The following IL1RAPL2 variants were observed in gnomAD, a reference collection of about 807,000 sequenced individuals.
IL1RAPL2 encodes the protein X-linked interleukin-1 receptor accessory protein-like 2.
IL1RAPL2 carries 3 observed loss-of-function variants against 44.1 expected under a neutral mutation model. The observed-to-expected ratio is 0.07, with a 90% CI of 0.03 to 0.18. The LOEUF (loss-of-function observed/expected upper bound fraction) is 0.18. Among genes scored for constraint, IL1RAPL2 ranks in the 10% least tolerant of loss-of-function variants. The pLI, the probability that IL1RAPL2 is intolerant of heterozygous loss-of-function variation, is 1.00. For synonymous variants in IL1RAPL2, 181 were observed against 178.8 expected (o/e 1.01, Z -0.10); for missense variants, 391 against 496.4 (o/e 0.79, Z 2.02).
intron 6 of IL1RAPL2, among the ~76,000 whole-genome samples, chrX:105,665,726 G>GTTTTTTTTTTTTTTTTT (rs745949698): frequency 2.7e-5 from 2 of 75,211 alleles, no homozygotes; most frequent in African/African-American, 5.2e-5. Context: ...TTTTATTTTT[G>GTTTTTTTTTTTTTTTTT]TTTTTTTGTT....
At chrX:104,847,964 G>C (rs1922102857) in intron 2 of IL1RAPL2, among the ~76,000 whole-genome samples, 1 of 110,493 alleles carries the variant, frequency 9.1e-6, no homozygotes, top group South Asian at 3.9e-4. Context: ...AATTGTGAAT[G>C]GGAGTTCACT....
At chrX:104,649,851 T>C (rs762767227) in intron 1 of IL1RAPL2, among the ~76,000 whole-genome samples, 1 of 111,964 alleles carries the variant, frequency 8.9e-6, no homozygotes, top group Admixed American at 9.5e-5. Flanking sequence ...ACCTGACATA[T>C]CTGGTACTTT....
intron 2 of IL1RAPL2, among the ~76,000 whole-genome samples, chrX:104,710,662 A>G (rs1266286072): frequency 9.0e-6 from 1 of 111,327 alleles, no homozygotes; most frequent in Non-Finnish European, 1.9e-5. Context: ...ATGTACATAT[A>G]CTCATTTGCT....
chrX:104,585,344 T>TATATA (rs1928523698), intron 1 of IL1RAPL2, among the ~76,000 whole-genome samples: 2 of 12,107 alleles, frequency 1.7e-4, no homozygotes, highest in African/African-American at 5.6e-4. Flanking sequence ...TATTATATAT[T>TATATA]ATATATATTA....
intron 2 of IL1RAPL2, among the ~76,000 whole-genome samples, chrX:104,875,938 T>A (rs1377021607): frequency 9.0e-6 from 1 of 110,915 alleles, no homozygotes; most frequent in East Asian, 2.8e-4. Context: ...TTTTTTTTTC[T>A]CTAGAGAGGC....
intron 6 of IL1RAPL2, among the ~76,000 whole-genome samples, chrX:105,612,058 T>C (rs2147827142): frequency 9.0e-6 from 1 of 111,629 alleles, no homozygotes; most frequent in Non-Finnish European, 1.9e-5. Context: ...TAGGTATAGT[T>C]ACCTTTATAA....
chrX:105,662,036 A>C (rs1419756199), intron 6 of IL1RAPL2, among the ~76,000 whole-genome samples: 1 of 112,444 alleles, frequency 8.9e-6, no homozygotes, highest in East Asian at 2.8e-4. Flanking sequence ...CCAGTTGTCT[A>C]ATTACACTGT....
intron 6 of IL1RAPL2, among the ~76,000 whole-genome samples, chrX:105,503,214 G>T (rs991671557): frequency 5.4e-5 from 6 of 110,886 alleles, no homozygotes; most frequent in Admixed American, 9.6e-5. Context: ...GAACATTCTG[G>T]ATCAATTACT....
At chrX:105,111,033 A>T (rs1004009514) in intron 2 of IL1RAPL2, among the ~76,000 whole-genome samples, 10 of 111,989 alleles carry the variant, frequency 8.9e-5, no homozygotes, top group Non-Finnish European at 1.3e-4. Context: ...TTTCTTTCCT[A>T]CAGGTTTTTT....
intron 6 of IL1RAPL2, among the ~76,000 whole-genome samples, chrX:105,649,843 C>T (rs921973125): frequency 6.3e-5 from 7 of 111,442 alleles, no homozygotes; most frequent in East Asian, 2.8e-4. Flanking sequence ...GGAAATATAC[C>T]GCACTTAGGG....
At chrX:104,976,519 A>G (rs1320186379) in intron 2 of IL1RAPL2, among the ~76,000 whole-genome samples, 2 of 111,949 alleles carry the variant, frequency 1.8e-5, no homozygotes, top group Non-Finnish European at 3.8e-5. Flanking sequence ...ACAGAAAATG[A>G]TAACTTTTAG....
At chrX:105,575,281 A>G (rs1163986779) in intron 6 of IL1RAPL2, among the ~76,000 whole-genome samples, 5 of 110,998 alleles carry the variant, frequency 4.5e-5, no homozygotes, top group Non-Finnish European at 9.4e-5. Flanking sequence ...TCACCCTGGT[A>G]TTAAGCCTAG....
chrX:105,614,200 G>A (rs2037356794), intron 6 of IL1RAPL2, among the ~76,000 whole-genome samples: 2 of 111,646 alleles, frequency 1.8e-5, no homozygotes, highest in African/African-American at 6.5e-5. Flanking sequence ...AAAAAAGAAG[G>A]ATATTCCATG....
Position 104,626,523 on chromosome X carries a change from G to A in IL1RAPL2, c.-19-32372G>A, listed in dbSNP as rs753567866. 1.7e-4 allele frequency among the ~76,000 whole-genome samples: 19 copies of A among 110,770 alleles called. No individual in the cohort carries two copies. The South Asian group carries it at 7.0e-3, about 41-fold the overall frequency. ...TTATAAAAATAATTCTGCATTGATG[G>A]TCACCAAGTAGTAATACATGCCCAG... On this transcript the variant is annotated intron_variant, in intron 1 of 10. Transcript: ENST00000372582.
rs1195202025 is a variant in IL1RAPL2, at chrX:105,079,323, A to G, written c.83-116152A>G. On this transcript the variant is annotated intron_variant, in intron 2 of 10. Transcript: ENST00000372582. ...ACCTAGCAATCCTATTACTGGGAAT[A>G]TACCCAAAGTATTATAAATCATTCT... is the stretch of plus-strand genomic sequence containing the variant. 3.6e-5 allele frequency among the ~76,000 whole-genome samples: 4 copies of G among 110,356 alleles called. No homozygotes were observed. In the East Asian group the frequency reaches 1.2e-3, roughly 33 times the overall value.
intron 7 of IL1RAPL2, among the ~76,000 whole-genome samples, chrX:105,723,530 G>A (rs1273135409): frequency 1.8e-5 from 2 of 110,913 alleles, no homozygotes; most frequent in African/African-American, 6.6e-5. Context: ...ACATTTTTTG[G>A]TATTTTTTTT....
chrX:104,712,284 A>G (rs1247092156), intron 2 of IL1RAPL2, among the ~76,000 whole-genome samples: 1 of 110,803 alleles, frequency 9.0e-6, no homozygotes. Flanking sequence ...TAATGGATTG[A>G]TAAGGCTGAG....
At position 105,054,152 on chromosome X, in the gene IL1RAPL2, T is replaced by C. The variant is rs750541422; in HGVS notation, c.83-141323T>C. ...ACCATCCCATCACATGGCACACTAA[T>C]ACACACACACACACATACACACGCA... On this transcript the variant is annotated intron_variant, in intron 2 of 10. Transcript: ENST00000372582. Among the ~76,000 whole-genome samples, 14 of 110,040 alleles carry C rather than the reference T, an allele frequency of 1.3e-4. No individual in the cohort carries two copies. In the South Asian group the frequency reaches 5.4e-3, roughly 43 times the overall value.
intron 2 of IL1RAPL2, among the ~76,000 whole-genome samples, chrX:104,782,113 T>C (rs889712021): frequency 7.2e-5 from 8 of 111,484 alleles, no homozygotes; most frequent in African/African-American, 2.6e-4. Context: ...GAGCAATAAA[T>C]TTCGACTGTG....
Sources: gnomAD v4.1 joint callset for allele counts (sites outside exome capture counted in the v4.1 genomes callset) on GRCh38, gnomAD v4.1.1 for gene constraint, MANE v1.5 for transcripts, NCBI Gene and HGNC (gene_info 2026-07-23, HGNC 2026-07-21) for gene names.